Variants in SUMF1 observed in about 807,000 individuals in gnomAD.
SUMF1 encodes the protein sulfatase modifying factor 1.
A neutral mutation model predicts 47.6 loss-of-function variants in SUMF1; 48 were observed. The ratio of observed to expected loss-of-function variants is 1.01; its 90% CI spans 0.80 to 1.28. The LOEUF (loss-of-function observed/expected upper bound fraction) is 1.28. Ranked by LOEUF, SUMF1 falls within the 50% of genes most tolerant of loss-of-function variation. The pLI, the probability that SUMF1 is intolerant of heterozygous loss-of-function variation, is 0.00. For missense variants in SUMF1, 571 were observed against 485.4 expected (o/e 1.18, Z -1.66); for synonymous variants, 230 against 192.1 (o/e 1.20, Z -1.63).
chr3:4,149,836 A>G (rs1400786948), intron 8 of SUMF1, among the ~76,000 whole-genome samples: 1 of 152,126 alleles, frequency 6.6e-6, no homozygotes, highest in Non-Finnish European at 1.5e-5. Flanking sequence ...AATAGGGGCC[A>G]ACGAAGTTCT....
chr3:4,052,900 A>C (rs1695137626), intron 9 of SUMF1, among the ~76,000 whole-genome samples: 2 of 152,166 alleles, frequency 1.3e-5, no homozygotes, highest in Admixed American at 1.3e-4. Context: ...CCATATCAGC[A>C]GTAAGACTGT....
Position 4,117,130 on chromosome 3 carries a change from A to C in SUMF1, c.1015-48385T>G, listed in dbSNP as rs1440483962. Among the ~76,000 whole-genome samples, 3 of 152,300 alleles carry C rather than the reference A, an allele frequency of 2.0e-5. No individual in the cohort carries two copies. The East Asian group carries it at 5.8e-4, about 29-fold the overall frequency. On this transcript the variant is annotated intron_variant and NMD_transcript_variant, in intron 8 of 12. Coordinates refer to the SUMF1 transcript ENST00000448413. ...ATCTTAAATTTTATCCATGCATAGA[A>C]GAAAATCTGGAAACTAATTTTCTCT...
At chr3:4,307,456 CTG>C (rs1261964902) in intron 8 of SUMF1, among the ~76,000 whole-genome samples, 1 of 152,160 alleles carries the variant, frequency 6.6e-6, no homozygotes, top group Non-Finnish European at 1.5e-5. Context: ...GCCCTACAAT[CTG>C]TGTCATTTAG....
chr3:4,250,263 A>G, intron 8 of SUMF1, among the ~76,000 whole-genome samples: 1 of 142,626 alleles, frequency 7.0e-6, no homozygotes. Flanking sequence ...AGGAAAAGGG[A>G]AAGAGGGGGA....
intron 8 of SUMF1, chr3:4,316,152 G>A: frequency 1.6e-6 from 1 of 614,306 alleles, no homozygotes; most frequent in Non-Finnish European, 2.9e-6. Flanking sequence ...CCATTTTAAT[G>A]AGCATTTCTT....
chr3:4,141,770 A>G lies in SUMF1; in HGVS notation c.1015-73025T>C, dbSNP rs192645885. Among the ~76,000 whole-genome samples the G allele has an allele frequency of 1.6e-4, 25 of 152,298 alleles. 1 individual carries two copies. Among genetic ancestry groups the G allele is most frequent in the African/African-American group, 6.0e-4 (25 of 41,542 alleles). On this transcript the variant is annotated intron_variant and NMD_transcript_variant, in intron 8 of 12. Transcript: ENST00000448413. ...GTCCTAAAATGTTTGGGTGAGCAGAAAAGTCCCAGGCCAAGAGATTCTAAT... is the reference window on the plus strand; with the variant it reads ...GTCCTAAAATGTTTGGGTGAGCAGAGAAGTCCCAGGCCAAGAGATTCTAAT...
intron 8 of SUMF1, among the ~76,000 whole-genome samples, chr3:4,198,858 CT>C (rs1203895669): frequency 1.3e-5 from 2 of 151,824 alleles, no homozygotes; most frequent in Admixed American, 1.3e-4. Context: ...ATGAAGTATT[CT>C]GTCCAAAAAG....
intron 8 of SUMF1, among the ~76,000 whole-genome samples, chr3:4,120,260 C>A (rs769543550): frequency 6.6e-6 from 1 of 152,178 alleles, no homozygotes; most frequent in African/African-American, 2.4e-5. Flanking sequence ...TGCTCAGTGA[C>A]AAGCCCAGCA....
chr3:4,264,289 G>A (rs1559629594), intron 8 of SUMF1, among the ~76,000 whole-genome samples: 2 of 152,144 alleles, frequency 1.3e-5, no homozygotes, highest in Non-Finnish European at 2.9e-5. Flanking sequence ...CAGTCCTCTG[G>A]GCCAGAGCCT....
At chr3:4,180,189 A>C (rs1386489967) in intron 8 of SUMF1, among the ~76,000 whole-genome samples, 1 of 152,224 alleles carries the variant, frequency 6.6e-6, no homozygotes, top group Non-Finnish European at 1.5e-5. Flanking sequence ...CAATCCCATT[A>C]CTGGGTACAT....
intron 9 of SUMF1, among the ~76,000 whole-genome samples, chr3:4,061,649 G>A (rs1237374513): frequency 1.2e-4 from 18 of 152,088 alleles, no homozygotes; most frequent in Admixed American, 9.8e-4. Flanking sequence ...CCAAACTGCT[G>A]GCATTTTGGT....
At chr3:4,331,678 A>C (rs1699054511) in intron 8 of SUMF1, among the ~76,000 whole-genome samples, 2 of 152,126 alleles carry the variant, frequency 1.3e-5, no homozygotes, top group Admixed American at 1.3e-4. Flanking sequence ...AAAATACAAA[A>C]TATTAGCTTG....
intron 8 of SUMF1, among the ~76,000 whole-genome samples, chr3:4,371,315 C>T (rs1281476138): frequency 6.6e-6 from 1 of 152,120 alleles, no homozygotes; most frequent in African/African-American, 2.4e-5. Context: ...TGGCTAATTA[C>T]TGTGTGAAAT....
intron 8 of SUMF1, among the ~76,000 whole-genome samples, chr3:4,069,813 A>G (rs1047187111): frequency 6.6e-6 from 1 of 152,144 alleles, no homozygotes; most frequent in Non-Finnish European, 1.5e-5. Context: ...ATAACCCCAA[A>G]ATATATTTTC....
At chr3:4,302,039 C>G (rs576107941) in intron 8 of SUMF1, among the ~76,000 whole-genome samples, 1 of 152,310 alleles carries the variant, frequency 6.6e-6, no homozygotes, top group Non-Finnish European at 1.5e-5. Context: ...AAGGAAAGGT[C>G]TGCAAGATGG....
At chr3:4,225,413 A>G (rs966580511) in intron 8 of SUMF1, among the ~76,000 whole-genome samples, 1 of 152,132 alleles carries the variant, frequency 6.6e-6, no homozygotes, top group South Asian at 2.1e-4. Flanking sequence ...TTAAGCATTC[A>G]TCAGGAATGA....
At chr3:4,210,939 T>G (rs1262799024) in intron 8 of SUMF1, among the ~76,000 whole-genome samples, 1 of 151,480 alleles carries the variant, frequency 6.6e-6, no homozygotes, top group East Asian at 1.9e-4. Flanking sequence ...TGGCATAGCC[T>G]CCCAGCATAC....
chr3:4,052,278 C>T (rs1695125748), intron 9 of SUMF1, among the ~76,000 whole-genome samples: 1 of 152,166 alleles, frequency 6.6e-6, no homozygotes, highest in Non-Finnish European at 1.5e-5. Flanking sequence ...GCTCCACTGC[C>T]ATGATGTAAT....
intron 8 of SUMF1, among the ~76,000 whole-genome samples, chr3:4,097,866 G>A (rs28627494): frequency 0.15 from 22,805 of 152,092 alleles, 3,674 homozygotes; most frequent in African/African-American, 0.39. Flanking sequence ...CAGACTGACA[G>A]CAGTCAAGGG....
Sources: gnomAD v4.1 joint callset for allele counts (sites outside exome capture counted in the v4.1 genomes callset) on GRCh38, gnomAD v4.1.1 for gene constraint, MANE v1.5 for transcripts, NCBI Gene and HGNC (gene_info 2026-07-23, HGNC 2026-07-21) for gene names.